PDSS2: variants seen among roughly 807,000 people sequenced by gnomAD.
The protein encoded by PDSS2 is all trans-polyprenyl-diphosphate synthase PDSS2.
Under a neutral mutation model 44.5 loss-of-function variants are expected in PDSS2, and 31 were observed. That is an observed-to-expected ratio of 0.70 (90% CI 0.52 to 0.94). The LOEUF (loss-of-function observed/expected upper bound fraction) is 0.94, where lower values mean the gene tolerates loss of function less well. Ranked by LOEUF, PDSS2 falls within the 40% of genes least tolerant of loss-of-function variation. PDSS2 has a pLI of 0.00. For synonymous variants in PDSS2, 157 were observed against 180.3 expected, an observed-to-expected ratio of 0.87 and a Z score of 1.03; for missense variants, 452 against 482.2, an observed-to-expected ratio of 0.94 and a Z score of 0.59.
At chr6:107,437,631 C>A (rs933992887) in intron 1 of PDSS2, among the ~76,000 whole-genome samples, 1 of 150,914 alleles carries the variant, frequency 6.6e-6, no homozygotes, top group African/African-American at 2.4e-5. Flanking sequence ...TCCATGCATA[C>A]TCAAGACCCA....
At chr6:107,188,173 T>C (rs1772240941) in intron 7 of PDSS2, among the ~76,000 whole-genome samples, 1 of 151,912 alleles carries the variant, frequency 6.6e-6, no homozygotes, top group African/African-American at 2.4e-5. Flanking sequence ...AGTTCAGGAG[T>C]TCGAGACCAG....
intron 1 of PDSS2, among the ~76,000 whole-genome samples, chr6:107,362,698 C>CT (rs1365172978): frequency 6.6e-6 from 1 of 152,154 alleles, no homozygotes; most frequent in Non-Finnish European, 1.5e-5. Flanking sequence ...GAAACTATCT[C>CT]TAAGTGTCTT....
At chr6:107,208,285 CTTTTTTTTTTTTTTTTTTTT>C (rs1164014672) in intron 6 of PDSS2, among the ~76,000 whole-genome samples, 1 of 53,280 alleles carries the variant, frequency 1.9e-5, no homozygotes, top group Admixed American at 3.2e-4. Context: ...CATGCCTGGC[CTTTTTTTTTTTTTTTTTTTT>C]TTTTTTTTTT....
intron 1 of PDSS2, among the ~76,000 whole-genome samples, chr6:107,380,900 T>A (rs1779435270): frequency 6.6e-6 from 1 of 152,214 alleles, no homozygotes; most frequent in South Asian, 2.1e-4. Context: ...AGATACAGAT[T>A]TACTTTTCTA....
At chr6:107,159,619 C>T (rs1264684949) in intron 7 of PDSS2, among the ~76,000 whole-genome samples, 5 of 151,578 alleles carry the variant, frequency 3.3e-5, no homozygotes, top group East Asian at 2.0e-4. Context: ...GGGGTTTCAC[C>T]GTGTTAGCCA....
chr6:107,179,918 A>G (rs1376008343), intron 7 of PDSS2, among the ~76,000 whole-genome samples: 2 of 152,196 alleles, frequency 1.3e-5, no homozygotes, highest in African/African-American at 2.4e-5. Flanking sequence ...AATCACAAAA[A>G]TTCTTAATTC....
intron 1 of PDSS2, among the ~76,000 whole-genome samples, chr6:107,397,380 C>A (rs1306945679): frequency 6.6e-6 from 1 of 152,002 alleles, no homozygotes; most frequent in African/African-American, 2.4e-5. Context: ...GCCATATACC[C>A]ACAGTAAGAA....
At chr6:107,355,384 A>G (rs1163926536) in intron 1 of PDSS2, among the ~76,000 whole-genome samples, 1 of 152,210 alleles carries the variant, frequency 6.6e-6, no homozygotes, top group Admixed American at 6.5e-5. Context: ...AAAATTTTCA[A>G]TTGAAACATT....
Position 107,154,532 on chromosome 6 carries a change from T to C in PDSS2, c.*87A>G, listed in dbSNP as rs1770815118. On this transcript the variant is annotated 3_prime_UTR_variant, in exon 8 of 8. Transcript: ENST00000369037. ...AGGAAAAATGCATATGTTTTAAAAGTCATTAACGCATCGTGAAAGCGCTCC... is the reference window on the plus strand; with the variant it reads ...AGGAAAAATGCATATGTTTTAAAAGCCATTAACGCATCGTGAAAGCGCTCC... The C allele has an allele frequency of 1.7e-6, 2 of 1,203,972 alleles. No homozygotes were observed. Among genetic ancestry groups the C allele is most frequent in the African/African-American group, 1.5e-5 (1 of 66,918 alleles). The allele number at this position is 1,203,972 out of a possible 1,614,324, so 74.6% of individuals were successfully genotyped here.
intron 1 of PDSS2, among the ~76,000 whole-genome samples, chr6:107,373,512 C>G (rs1207587587): frequency 3.3e-5 from 5 of 152,196 alleles, no homozygotes; most frequent in African/African-American, 4.8e-5. Flanking sequence ...TAGAGACAGA[C>G]TGTAGTCTTA....
At chr6:107,166,599 C>T (rs1257160886) in intron 7 of PDSS2, among the ~76,000 whole-genome samples, 14 of 152,162 alleles carry the variant, frequency 9.2e-5, no homozygotes, top group Non-Finnish European at 1.3e-4. Flanking sequence ...CTCCTGACCT[C>T]GTGATCCGCC....
chr6:107,330,490 G>T (rs542042753), intron 2 of PDSS2, among the ~76,000 whole-genome samples: 2 of 152,312 alleles, frequency 1.3e-5, no homozygotes, highest in South Asian at 4.1e-4. Flanking sequence ...AGAGAAGATT[G>T]AGTCAGTTCT....
At chr6:107,383,298 C>CAAAAAAAAAA (rs35910650) in intron 1 of PDSS2, among the ~76,000 whole-genome samples, 1 of 28,440 alleles carries the variant, frequency 3.5e-5, no homozygotes, top group East Asian at 1.1e-3. Context: ...GACTCCATCT[C>CAAAAAAAAAA]AAAAAAAAAA....
At chr6:107,292,266 C>T (rs1010457315) in intron 2 of PDSS2, among the ~76,000 whole-genome samples, 12 of 151,370 alleles carry the variant, frequency 7.9e-5, no homozygotes, top group African/African-American at 2.9e-4. Context: ...CTCCCATATT[C>T]AGTGCTGTAA....
intron 1 of PDSS2, among the ~76,000 whole-genome samples, chr6:107,380,966 G>T (rs1320609809): frequency 6.6e-6 from 1 of 152,130 alleles, no homozygotes; most frequent in Non-Finnish European, 1.5e-5. Context: ...AATGGAATGT[G>T]CTAGAAGTAA....
chr6:107,333,261 G>T (rs1460679673), intron 2 of PDSS2, among the ~76,000 whole-genome samples: 1 of 152,070 alleles, frequency 6.6e-6, no homozygotes. Context: ...ATCTATACAG[G>T]CTTTTAATAC....
intron 2 of PDSS2, among the ~76,000 whole-genome samples, chr6:107,309,830 T>A (rs1476800935): frequency 1.3e-5 from 2 of 152,236 alleles, no homozygotes; most frequent in Non-Finnish European, 2.9e-5. Context: ...TACAAACATT[T>A]CTTCATATAA....
At chr6:107,222,950 A>ATT (rs562711484) in intron 4 of PDSS2, among the ~76,000 whole-genome samples, 3 of 141,754 alleles carry the variant, frequency 2.1e-5, no homozygotes, top group African/African-American at 7.7e-5. Context: ...TACAAAAAAA[A>ATT]TTTTTTTTTT....
At chr6:107,448,285 C>A (rs1479574318) in intron 1 of PDSS2, among the ~76,000 whole-genome samples, 2 of 152,136 alleles carry the variant, frequency 1.3e-5, no homozygotes, top group Non-Finnish European at 2.9e-5. Context: ...ATGAGTTTTT[C>A]TTTTCTATTA....
Sources: allele counts gnomAD v4.1 joint callset (sites outside exome capture counted in the v4.1 genomes callset), GRCh38; gene constraint gnomAD v4.1.1; transcripts MANE v1.5; gene names NCBI Gene and HGNC (gene_info 2026-07-23, HGNC 2026-07-21).